The following SLC4A4 variants were observed in gnomAD, a reference collection of about 807,000 sequenced individuals.
The protein encoded by SLC4A4 is electrogenic sodium bicarbonate cotransporter 1.
SLC4A4 carries 27 observed loss-of-function variants against 111.5 expected under a neutral mutation model. The observed-to-expected ratio is 0.24, with a 90% CI of 0.18 to 0.33. SLC4A4 has a LOEUF of 0.33. Among genes scored for constraint, SLC4A4 ranks in the 10% least tolerant of loss-of-function variants. The probability of loss-of-function intolerance (pLI) is 1.00; values close to 1 mark genes in which losing one functional copy is unlikely to be tolerated. For synonymous variants in SLC4A4, 443 were observed against 463.4 expected (o/e 0.96, Z 0.57); for missense variants, 909 against 1,315.5 (o/e 0.69, Z 4.78).
intron 3 of SLC4A4, chr4:71,300,329 G>T: frequency 9.0e-6 from 2 of 222,762 alleles, no homozygotes; most frequent in South Asian, 1.7e-4. Context: ...AGGTGGCTGT[G>T]AGCTGCAGCC....
At chr4:71,407,922 G>A (rs1454798242) in intron 7 of SLC4A4, among the ~76,000 whole-genome samples, 3 of 151,930 alleles carry the variant, frequency 2.0e-5, no homozygotes, top group African/African-American at 7.2e-5. Context: ...TAAACCCCAT[G>A]GTTCTTTGAC....
intron 1 of SLC4A4, among the ~76,000 whole-genome samples, chr4:71,211,231 T>A (rs1318158966): frequency 6.6e-6 from 1 of 152,238 alleles, no homozygotes; most frequent in Non-Finnish European, 1.5e-5. Context: ...ATTTTAGGCT[T>A]TTGGCAGATT....
chr4:71,219,689 A>G (rs985244368), intron 1 of SLC4A4, among the ~76,000 whole-genome samples: 3 of 152,240 alleles, frequency 2.0e-5, no homozygotes, highest in Admixed American at 6.5e-5. Flanking sequence ...ACCATTCTAG[A>G]TGCCATTAAA....
chr4:71,424,286 A>G (rs1051637167), intron 7 of SLC4A4, among the ~76,000 whole-genome samples: 6 of 152,084 alleles, frequency 3.9e-5, no homozygotes, highest in Admixed American at 2.6e-4. Flanking sequence ...CAAAACCACA[A>G]TGAGATATCA....
At chr4:71,298,051 A>T (rs1724950294) in intron 3 of SLC4A4, among the ~76,000 whole-genome samples, 1 of 152,166 alleles carries the variant, frequency 6.6e-6, no homozygotes, top group Non-Finnish European at 1.5e-5. Context: ...TTCCATTTTC[A>T]TTCCCCATCT....
chr4:71,208,030 A>G (rs1292666355), intron 1 of SLC4A4, among the ~76,000 whole-genome samples: 1 of 152,194 alleles, frequency 6.6e-6, no homozygotes, highest in African/African-American at 2.4e-5. Flanking sequence ...GCTGGTCTCA[A>G]ACTTCTGGGC....
In SLC4A4 at chr4:71,541,117, T is replaced by A. The variant is rs1387358828; in HGVS notation, c.2443-5233T>A. 2.6e-5 allele frequency among the ~76,000 whole-genome samples: 4 copies of A among 152,092 alleles called. No homozygotes were observed. The East Asian group carries it at 7.7e-4, about 29-fold the overall frequency. ...AAATGTCTTCAGGCATTGCCAAACG[T>A]CCCTTGGGAGTGGAGATGAGAGCAA... is the stretch of plus-strand genomic sequence containing the variant. On this transcript the variant is annotated intron_variant, in intron 18 of 25. Transcript: ENST00000264485.
At chr4:71,557,168 C>T (rs1482653751) in intron 21 of SLC4A4, among the ~76,000 whole-genome samples, 1 of 151,950 alleles carries the variant, frequency 6.6e-6, no homozygotes, top group East Asian at 1.9e-4. Flanking sequence ...GTGTATTAGT[C>T]AAAGTATGCC....
At chr4:71,289,176 A>G (rs964968229) in intron 3 of SLC4A4, among the ~76,000 whole-genome samples, 1 of 152,178 alleles carries the variant, frequency 6.6e-6, no homozygotes, top group East Asian at 1.9e-4. Context: ...CAGCAGGTGG[A>G]CAAGCTAACA....
At chr4:71,434,059 C>A (rs1388564919) in intron 7 of SLC4A4, among the ~76,000 whole-genome samples, 3 of 151,788 alleles carry the variant, frequency 2.0e-5, no homozygotes, top group Non-Finnish European at 4.4e-5. Context: ...ATGTGTATGC[C>A]CATACACATG....
chr4:71,562,411 A>G, intron 23 of SLC4A4, among the ~76,000 whole-genome samples: 1 of 151,644 alleles, frequency 6.6e-6, no homozygotes, highest in East Asian at 1.9e-4. Context: ...TCATGCGGGG[A>G]CATGAGGGTT....
At chr4:71,336,432 A>G (rs1355025991) in intron 3 of SLC4A4, among the ~76,000 whole-genome samples, 2 of 152,280 alleles carry the variant, frequency 1.3e-5, no homozygotes, top group East Asian at 1.9e-4. Context: ...GGAAATGGAA[A>G]AAGGTAAAAC....
intron 3 of SLC4A4, among the ~76,000 whole-genome samples, chr4:71,294,957 C>A (rs1724658257): frequency 6.6e-6 from 1 of 152,168 alleles, no homozygotes; most frequent in African/African-American, 2.4e-5. Context: ...AAATGATTTA[C>A]AACTCATTGC....
intron 2 of SLC4A4, among the ~76,000 whole-genome samples, chr4:71,126,772 T>A (rs918418032): frequency 6.6e-6 from 1 of 152,250 alleles, no homozygotes; most frequent in Non-Finnish European, 1.5e-5. Flanking sequence ...ACATATCTTA[T>A]GACTCAAAAC....
intron 6 of SLC4A4, among the ~76,000 whole-genome samples, chr4:71,387,499 T>C (rs1237277956): frequency 1.3e-5 from 2 of 152,184 alleles, no homozygotes; most frequent in Non-Finnish European, 2.9e-5. Flanking sequence ...AGTATTTATT[T>C]ATTTATTTTT....
chr4:71,253,832 C>T (rs1187780639), intron 2 of SLC4A4, among the ~76,000 whole-genome samples: 4 of 152,134 alleles, frequency 2.6e-5, no homozygotes, highest in African/African-American at 9.7e-5. Flanking sequence ...GAAGGAGGTC[C>T]TGCTTTATGT....
chr4:71,539,992 G>A (rs1734898051), intron 18 of SLC4A4, among the ~76,000 whole-genome samples: 1 of 152,038 alleles, frequency 6.6e-6, no homozygotes, highest in South Asian at 2.1e-4. Flanking sequence ...ATCACTGCAG[G>A]GAGTTTTTGT....
At chr4:71,535,300 A>G (rs1435606868) in intron 18 of SLC4A4, among the ~76,000 whole-genome samples, 1 of 152,194 alleles carries the variant, frequency 6.6e-6, no homozygotes, top group Non-Finnish European at 1.5e-5. Context: ...CAGGAAATAT[A>G]AAGAATTGGC....
intron 1 of SLC4A4, among the ~76,000 whole-genome samples, chr4:71,064,092 T>TA (rs543764233): frequency 4.0e-5 from 6 of 151,798 alleles, no homozygotes; most frequent in Non-Finnish European, 7.4e-5. Context: ...AATAAAAAAT[T>TA]AAAAAAAATA....
Sources: allele counts gnomAD v4.1 joint callset (sites outside exome capture counted in the v4.1 genomes callset), GRCh38; gene constraint gnomAD v4.1.1; transcripts MANE v1.5; gene names NCBI Gene and HGNC (gene_info 2026-07-23, HGNC 2026-07-21).